Variants in KCNQ2 observed in about 807,000 individuals in gnomAD.
KCNQ2 encodes the protein potassium voltage-gated channel subfamily KQT member 2.
KCNQ2 carries 14 observed loss-of-function variants against 84.8 expected under a neutral mutation model. The observed-to-expected ratio is 0.17, with a 90% CI of 0.11 to 0.26. The LOEUF is 0.26. KCNQ2 is among the 10% of genes least tolerant of loss of function. The pLI, the probability that KCNQ2 is intolerant of heterozygous loss-of-function variation, is 1.00. For missense variants in KCNQ2, 788 were observed against 1,254.0 expected, an observed-to-expected ratio of 0.63 and a Z score of 5.61; for synonymous variants, 599 against 554.1, an observed-to-expected ratio of 1.08 and a Z score of -1.14.
At chr20:63,444,252 C>G (rs2081347250) in intron 4 of KCNQ2, among the ~76,000 whole-genome samples, 1 of 152,204 alleles carries the variant, frequency 6.6e-6, no homozygotes, top group East Asian at 1.9e-4. Flanking sequence ...GTCCCCCGGA[C>G]AGCGGCCGCC....
rs1463776435 is a variant in KCNQ2, at chr20:63,445,746, C to T, written c.388-382G>A. ...GGGAGGCCCTGTCTGAGCTGGGAGGCCCTGTCTGAGCTGGGGGACCCTGTC... is the reference window on the plus strand; with the variant it reads ...GGGAGGCCCTGTCTGAGCTGGGAGGTCCTGTCTGAGCTGGGGGACCCTGTC... On this transcript the variant is annotated intron_variant, in intron 2 of 16. Coordinates refer to ENST00000359125, the MANE Select transcript of KCNQ2 (RefSeq NM_172107.4). Among the ~76,000 whole-genome samples, 29 of 139,658 alleles carry T rather than the reference C, an allele frequency of 2.1e-4. 6 individuals are homozygous for T. The highest frequency in any genetic ancestry group is 4.7e-4 in the South Asian group (2 of 4,232). 91.6% of individuals were successfully genotyped at this position (139,658 alleles called of 152,430 possible).
chr20:63,446,288 C>G lies in KCNQ2; in HGVS notation c.387+459G>C, dbSNP rs2081423845. 3.8e-6 allele frequency: 1 copy of G among 260,474 alleles called. No individual in the cohort carries two copies. The highest frequency in any genetic ancestry group is 7.5e-6 in the Non-Finnish European group (1 of 132,848). The allele number at this position is 260,474 out of a possible 1,614,324, so 16.1% of individuals were successfully genotyped here. Reference sequence around the variant, plus strand: ...GGGGACCAGTCTCCTTGAGGGCCCCCCACCCCGTTACCAACAGCAACACAG... The same window carrying G: ...GGGGACCAGTCTCCTTGAGGGCCCCGCACCCCGTTACCAACAGCAACACAG... On this transcript the variant is annotated intron_variant, in intron 2 of 16. Transcript: ENST00000359125. The surrounding 1 kb of genome is among the most constrained non-coding windows in gnomAD (Gnocchi z 5.5).
At position 63,406,445 on chromosome 20, in the gene KCNQ2, C is replaced by A; in HGVS notation, c.*199G>T. The A allele has an allele frequency of 1.5e-6, 1 of 673,394 alleles. No individual in the cohort carries two copies. Among genetic ancestry groups the A allele is most frequent in the Non-Finnish European group, 2.4e-6 (1 of 408,824 alleles). 41.7% of individuals were successfully genotyped at this position (673,394 alleles called of 1,614,324 possible). On this transcript the variant is annotated 3_prime_UTR_variant, in exon 17 of 17. Transcript: ENST00000359125. ...CACAGGGCCCTGCCCAGCCCTCCAG[C>A]CCCTGTTGGAAAATAACTTTTGTAA...
chr20:63,442,126 AGGAG>A (rs1298399895), intron 5 of KCNQ2, among the ~76,000 whole-genome samples: 2 of 151,926 alleles, frequency 1.3e-5, no homozygotes, highest in Non-Finnish European at 2.9e-5. Context: ...AGGGTCACTC[AGGAG>A]GAAGGAAGAT....
At chr20:63,443,188 C>CATCACCATCACCAT (rs2081285572) in intron 4 of KCNQ2, among the ~76,000 whole-genome samples, 1 of 93,316 alleles carries the variant, frequency 1.1e-5, no homozygotes, top group Non-Finnish European at 2.2e-5. Flanking sequence ...ATCACCATCA[C>CATCACCATCACCAT]CACCACCACC....
chr20:63,432,486 T>A (rs1449755713), intron 8 of KCNQ2, among the ~76,000 whole-genome samples: 322 of 40,364 alleles, frequency 8.0e-3, no homozygotes, highest in African/African-American at 0.02. Context: ...CTCCACCCTC[T>A]GGGAAGGCTC....
chr20:63,414,418 G>A lies in KCNQ2; in HGVS notation c.1526-225C>T, dbSNP rs1432380490. On this transcript the variant is annotated intron_variant, in intron 13 of 16. Transcript: ENST00000359125. The surrounding 1 kb of genome is among the most constrained non-coding windows in gnomAD (Gnocchi z 6.6). ...TGTGGCCACAGGGAGTGGCCGATAT[G>A]GGGCGTCAAAGGACATTCTGGCCAA... Among the ~76,000 whole-genome samples the A allele has an allele frequency of 6.6e-6, 1 of 152,134 alleles. No individual in the cohort carries two copies. The highest frequency in any genetic ancestry group is 1.5e-5 in the Non-Finnish European group (1 of 68,032).
At position 63,442,540 on chromosome 20, in the gene KCNQ2, CA is replaced by C; in HGVS notation, c.691-10del. 6.2e-7 allele frequency: 1 copy of C among 1,612,868 alleles called. No individual in the cohort carries two copies. The highest frequency in any genetic ancestry group is 1.3e-5 in the African/African-American group (1 of 74,694). On this transcript the variant is annotated splice_polypyrimidine_tract_variant and intron_variant, in intron 4 of 16. Transcript: ENST00000359125. ...CAGGCAGTGACCAGCTCCTGAGAGG[CA>C]GACGGCACCACCATCATGACCACCA...
rs540405035 is a variant in KCNQ2 at position 63,446,167 on chromosome 20, C to T, written c.387+580G>A. The T allele has an allele frequency of 1.1e-5, 3 of 270,520 alleles. No homozygotes were observed. In the East Asian group the frequency reaches 3.8e-4, roughly 35 times the overall value. The allele number at this position is 270,520 out of a possible 1,614,324, so 16.8% of individuals were successfully genotyped here. A position where few individuals can be genotyped will look rare whatever the true frequency, so the allele number is the denominator to read the frequency against. On this transcript the variant is annotated intron_variant, in intron 2 of 16. Transcript: ENST00000359125. The surrounding 1 kb of genome is among the most constrained non-coding windows in gnomAD (Gnocchi z 5.5). ...GCAGGGCTGAGCTGAGGGAAGGCCC[C>T]AGGTAACTGCAAAGGGGGCCACAGT... is the stretch of plus-strand genomic sequence containing the variant.
intron 15 of KCNQ2, chr20:63,413,197 A>G (rs1400295941): frequency 3.7e-6 from 2 of 541,774 alleles, no homozygotes; most frequent in African/African-American, 3.8e-5. Context: ...GCACACACAC[A>G]TTTTCAGGGA....
intron 1 of KCNQ2, among the ~76,000 whole-genome samples, chr20:63,450,166 C>T (rs2081565744): frequency 2.0e-5 from 3 of 150,912 alleles, no homozygotes; most frequent in Admixed American, 2.0e-4. Context: ...TCCACCACCA[C>T]TCCTCCCCCA....
In KCNQ2 at chr20:63,442,396, C is replaced by T; in HGVS notation, c.816+10G>A. On this transcript the variant is annotated intron_variant, in intron 5 of 16. Coordinates refer to ENST00000359125, the MANE Select transcript of KCNQ2 (RefSeq NM_172107.4). ...CAGGGAAAGGGAAAACCACAATGAC[C>T]ACAACTCACCAGGCCCCACCAGAGT... The T allele has an allele frequency of 6.2e-7, 1 of 1,613,842 alleles. No individual in the cohort carries two copies. The highest frequency in any genetic ancestry group is 1.1e-5 in the South Asian group (1 of 91,078).
rs796052611 is a variant in KCNQ2, at chr20:63,472,478, G to T, written c.-15C>A. 2 of 1,491,368 alleles carry T rather than the reference G, an allele frequency of 1.3e-6. No individual in the cohort carries two copies. Among genetic ancestry groups the T allele is most frequent in the Non-Finnish European group, 1.8e-6 (2 of 1,126,722 alleles). 92.4% of individuals were successfully genotyped at this position (1,491,368 alleles called of 1,614,324 possible). On this transcript the variant is annotated 5_prime_UTR_variant, in exon 1 of 17. Coordinates refer to ENST00000359125, the MANE Select transcript of KCNQ2 (RefSeq NM_172107.4). ...TTCTGCACCATGGTGCCTGGCGGGA[G>T]GCGCCCCGGGTCGGGCTCAGGCTCA... is the stretch of plus-strand genomic sequence containing the variant.
rs370447420 is a variant in KCNQ2 at position 63,400,985 on chromosome 20, C to T, written c.*5659G>A. ...CTTTGTAAAACCCAGGCGGAGTTGG[C>T]GTGTGGCGATGGCGATGTGCACGTG... is the stretch of plus-strand genomic sequence containing the variant. On this transcript the variant is annotated 3_prime_UTR_variant, in exon 17 of 17. Transcript: ENST00000359125. This position sits in a 1 kb window ranked among gnomAD's most constrained non-coding sequence, Gnocchi z 8.7. The T allele has an allele frequency of 1.5e-4, 60 of 397,392 alleles. No homozygotes were observed. Among genetic ancestry groups the T allele is most frequent in the African/African-American group, 1.1e-3 (53 of 48,718 alleles). 24.6% of individuals were successfully genotyped at this position (397,392 alleles called of 1,614,324 possible). A position where few individuals can be genotyped will look rare whatever the true frequency, so the allele number is the denominator to read the frequency against.
intron 1 of KCNQ2, chr20:63,471,871 CG>C: frequency 2.7e-6 from 1 of 369,372 alleles, no homozygotes; most frequent in Non-Finnish European, 4.8e-6. Flanking sequence ...GCAGAGGCCG[CG>C]GGGAGGGGCC....
At chr20:63,436,404 G>A (rs1461771761) in intron 7 of KCNQ2, among the ~76,000 whole-genome samples, 1 of 152,134 alleles carries the variant, frequency 6.6e-6, no homozygotes, top group East Asian at 1.9e-4. Flanking sequence ...GGTGGTGGGT[G>A]CCTGTAGTCC....
chr20:63,468,354 C>T (rs2082131705), intron 1 of KCNQ2, among the ~76,000 whole-genome samples: 1 of 152,180 alleles, frequency 6.6e-6, no homozygotes. Flanking sequence ...CCGCTCTGTG[C>T]TGGGTAAAGC....
At chr20:63,431,046 G>A (rs1432289284) in intron 9 of KCNQ2, among the ~76,000 whole-genome samples, 1 of 152,218 alleles carries the variant, frequency 6.6e-6, no homozygotes, top group Non-Finnish European at 1.5e-5. Flanking sequence ...GGGGACACAG[G>A]CGGGCTGGCA....
chr20:63,445,494 C>T (rs2081385522), intron 2 of KCNQ2, 130 bp from the exon 3 acceptor site: 2 of 1,052,860 alleles, frequency 1.9e-6, no homozygotes, highest in Non-Finnish European at 2.7e-6. Context: ...AAGGAAACTG[C>T]AAGCTGACCC....
Sources: gnomAD v4.1 joint callset for allele counts (sites outside exome capture counted in the v4.1 genomes callset) on GRCh38, gnomAD v4.1.1 for gene constraint, Gnocchi (gnomAD v3.1) non-coding constraint, MANE v1.5 for transcripts, NCBI Gene and HGNC (gene_info 2026-07-23, HGNC 2026-07-21) for gene names.